PARD3: variants seen among roughly 807,000 people sequenced by gnomAD.
The protein encoded by PARD3 is par-3 family cell polarity regulator, also known as partitioning defective 3 homolog.
Under a neutral mutation model 155.4 loss-of-function variants are expected in PARD3, and 75 were observed. The ratio of observed to expected loss-of-function variants is 0.48; its 90% CI spans 0.40 to 0.58. The LOEUF (loss-of-function observed/expected upper bound fraction) is 0.58. PARD3 is among the 20% of genes least tolerant of loss of function. The pLI is 0.00. For missense variants in PARD3, 1,642 were observed against 1,721.7 expected, an observed-to-expected ratio of 0.95 and a Z score of 0.82; for synonymous variants, 576 against 610.5, an observed-to-expected ratio of 0.94 and a Z score of 0.83.
chr10:34,721,799 T>A (rs1371347539), intron 1 of PARD3, among the ~76,000 whole-genome samples: 1 of 152,214 alleles, frequency 6.6e-6, no homozygotes, highest in Non-Finnish European at 1.5e-5. Context: ...AAATATATAT[T>A]TTGGGGTTAC....
chr10:34,178,523 A>C (rs1950132615), intron 22 of PARD3, among the ~76,000 whole-genome samples: 1 of 152,226 alleles, frequency 6.6e-6, no homozygotes, highest in Admixed American at 6.5e-5. Flanking sequence ...CTTTAGCGTA[A>C]GAATTGATCC....
intron 24 of PARD3, among the ~76,000 whole-genome samples, chr10:34,115,215 G>A (rs748519719): frequency 2.0e-5 from 3 of 152,154 alleles, no homozygotes; most frequent in Non-Finnish European, 4.4e-5. Context: ...AGGGTGCAGA[G>A]ACACAGCGTG....
intron 22 of PARD3, among the ~76,000 whole-genome samples, chr10:34,140,108 T>G (rs922080654): frequency 6.6e-6 from 1 of 152,130 alleles, no homozygotes; most frequent in Non-Finnish European, 1.5e-5. Context: ...TTTGCTTTTG[T>G]TTTTCGTTGT....
chr10:34,683,014 C>T (rs746175002), intron 2 of PARD3, among the ~76,000 whole-genome samples: 3 of 152,164 alleles, frequency 2.0e-5, no homozygotes, highest in Non-Finnish European at 2.9e-5. Context: ...TTATTCTTGC[C>T]GAGCACAAAA....
At chr10:34,189,082 A>G (rs1057105102) in intron 22 of PARD3, among the ~76,000 whole-genome samples, 1 of 152,182 alleles carries the variant, frequency 6.6e-6, no homozygotes, top group Non-Finnish European at 1.5e-5. Context: ...CTGTAATCTC[A>G]GTGCTTTGGG....
intron 1 of PARD3, among the ~76,000 whole-genome samples, chr10:34,726,512 GGCAGAGGTT>G (rs1006685613): frequency 6.6e-6 from 1 of 151,992 alleles, no homozygotes; most frequent in African/African-American, 2.4e-5. Flanking sequence ...GAGCCCAGGA[GGCAGAGGTT>G]GCAGTGAGCC....
At chr10:34,416,257 C>T (rs976547826) in intron 5 of PARD3, among the ~76,000 whole-genome samples, 3 of 152,058 alleles carry the variant, frequency 2.0e-5, no homozygotes, top group Admixed American at 1.3e-4. Flanking sequence ...AGAGAGAGCC[C>T]CACAATAACC....
chr10:34,347,380 G>A (rs1837543415), intron 15 of PARD3, among the ~76,000 whole-genome samples: 1 of 152,240 alleles, frequency 6.6e-6, no homozygotes, highest in African/African-American at 2.4e-5. Flanking sequence ...GGGCCATGCA[G>A]ATAGGATGGT....
chr10:34,270,548 T>A (rs1372118906), intron 21 of PARD3, among the ~76,000 whole-genome samples: 1 of 152,318 alleles, frequency 6.6e-6, no homozygotes, highest in Non-Finnish European at 1.5e-5. Context: ...ATGAATTTGT[T>A]TAAGGCAAGA....
chr10:34,665,080 A>G (rs1003802431), intron 2 of PARD3, among the ~76,000 whole-genome samples: 1 of 152,092 alleles, frequency 6.6e-6, no homozygotes, highest in African/African-American at 2.4e-5. Context: ...TAAAACCACA[A>G]TTACAAAGTT....
At chr10:34,286,823 C>T (rs760991504) in intron 20 of PARD3, among the ~76,000 whole-genome samples, 10 of 152,052 alleles carry the variant, frequency 6.6e-5, no homozygotes, top group East Asian at 1.9e-4. Context: ...CCAGGGAGAA[C>T]GGTCAGGAGG....
intron 1 of PARD3, among the ~76,000 whole-genome samples, chr10:34,772,795 A>T (rs969827665): frequency 7.4e-5 from 6 of 81,310 alleles, no homozygotes; most frequent in African/African-American, 1.4e-4. Context: ...CTCCATCTAA[A>T]AAAAAAAAAA....
intron 22 of PARD3, among the ~76,000 whole-genome samples, chr10:34,227,682 G>A (rs926580407): frequency 6.6e-6 from 1 of 151,552 alleles, no homozygotes; most frequent in Non-Finnish European, 1.5e-5. Context: ...ACAGATGTTG[G>A]TGAGGTTGTG....
Position 34,658,122 on chromosome 10 carries a change from G to T in PARD3, c.222+38196C>A, listed in dbSNP as rs1315346791. On this transcript the variant is annotated intron_variant, in intron 2 of 24. Coordinates refer to ENST00000374788, the MANE Select transcript of PARD3 (RefSeq NM_001184785.2). ...GATTGCGCCACTGCACTCCAGCCTG[G>T]GCGACAGATCAAGACTCCGTCTCAA... 6.6e-5 allele frequency among the ~76,000 whole-genome samples: 10 copies of T among 151,014 alleles called. 1 individual carries two copies. Among genetic ancestry groups the T allele is most frequent in the Admixed American group, 6.6e-4 (10 of 15,208 alleles).
At chr10:34,677,734 C>T (rs2093735259) in intron 2 of PARD3, among the ~76,000 whole-genome samples, 1 of 152,130 alleles carries the variant, frequency 6.6e-6, no homozygotes, top group African/African-American at 2.4e-5. Context: ...GGCAGGGGGA[C>T]ACAGATACCA....
chr10:34,438,487 A>C (rs2076299003), intron 5 of PARD3, among the ~76,000 whole-genome samples: 1 of 152,200 alleles, frequency 6.6e-6, no homozygotes, highest in Non-Finnish European at 1.5e-5. Flanking sequence ...TAATTAATGA[A>C]AATCACCATA....
chr10:34,546,890 T>C (rs1391357574), intron 2 of PARD3, among the ~76,000 whole-genome samples: 6 of 152,192 alleles, frequency 3.9e-5, no homozygotes, highest in Non-Finnish European at 8.8e-5. Flanking sequence ...GACAGCCAGA[T>C]AAAACACAGT....
chr10:34,473,199 T>C (rs1012418095), intron 3 of PARD3, among the ~76,000 whole-genome samples: 9 of 152,330 alleles, frequency 5.9e-5, no homozygotes, highest in Middle Eastern at 3.4e-3. Flanking sequence ...ATTAAACTTT[T>C]TGTTTGCATT....
At chr10:34,311,515 A>T (rs1031127504) in intron 20 of PARD3, among the ~76,000 whole-genome samples, 3 of 152,228 alleles carry the variant, frequency 2.0e-5, no homozygotes, top group Admixed American at 2.0e-4. Context: ...TTCAAACCAC[A>T]GTAAGGACCA....
Sources: allele counts gnomAD v4.1 joint callset (sites outside exome capture counted in the v4.1 genomes callset), GRCh38; gene constraint gnomAD v4.1.1; transcripts MANE v1.5; gene names NCBI Gene and HGNC (gene_info 2026-07-23, HGNC 2026-07-21).